The following PDE4D variants were observed in gnomAD, a reference collection of about 807,000 sequenced individuals.
The protein encoded by PDE4D is 3',5'-cyclic-AMP phosphodiesterase 4D.
PDE4D carries 24 observed loss-of-function variants against 87.4 expected under a neutral mutation model. The ratio of observed to expected loss-of-function variants is 0.27; its 90% CI spans 0.20 to 0.39. The LOEUF (loss-of-function observed/expected upper bound fraction) is 0.39. Ranked by LOEUF, PDE4D falls within the 10% of genes least tolerant of loss-of-function variation. The probability of loss-of-function intolerance (pLI) is 1.00; values close to 1 mark genes in which losing one functional copy is unlikely to be tolerated. For synonymous variants in PDE4D, 384 were observed against 383.2 expected (o/e 1.00, Z -0.02); for missense variants, 714 against 1,041.0 (o/e 0.69, Z 4.32).
At chr5:59,320,174 G>T (rs189596810) in intron 1 of PDE4D, among the ~76,000 whole-genome samples, 3 of 151,984 alleles carry the variant, frequency 2.0e-5, no homozygotes, top group African/African-American at 4.8e-5. Flanking sequence ...GTGTGCACGC[G>T]CATGCATGTG....
At chr5:59,663,436 T>A (rs562792494) in intron 1 of PDE4D, among the ~76,000 whole-genome samples, 3 of 152,208 alleles carry the variant, frequency 2.0e-5, no homozygotes, top group African/African-American at 7.2e-5. Flanking sequence ...CTCCCAAAGT[T>A]CTGGGATAAC....
At chr5:59,157,499 C>T (rs1780428303) in intron 5 of PDE4D, 1 of 618,302 alleles carries the variant, frequency 1.6e-6, no homozygotes, top group Non-Finnish European at 2.9e-6. Context: ...AAAGAATATT[C>T]ATTTCAAATT....
At chr5:59,763,395 A>G (rs546454414) in intron 1 of PDE4D, among the ~76,000 whole-genome samples, 40 of 151,598 alleles carry the variant, frequency 2.6e-4, no homozygotes, top group Non-Finnish European at 5.3e-4. Flanking sequence ...AAATATGAAA[A>G]AATTATAACT....
Position 60,413,935 on chromosome 5 carries a change from C to T in PDE4D, c.-90+74007G>A, listed in dbSNP as rs182587564. ...CAGAGTTCAGGTTCACTTTGTCAAACTTTTTACAGTTCTAAAATAGAAAAC... is the reference window on the plus strand; with the variant it reads ...CAGAGTTCAGGTTCACTTTGTCAAATTTTTTACAGTTCTAAAATAGAAAAC... On this transcript the variant is annotated intron_variant, in intron 1 of 16. Transcript: ENST00000502484. Among the ~76,000 whole-genome samples, 5 of 152,274 alleles carry T rather than the reference C, an allele frequency of 3.3e-5. No individual in the cohort carries two copies. The East Asian group carries it at 9.6e-4, about 29-fold the overall frequency.
intron 1 of PDE4D, among the ~76,000 whole-genome samples, chr5:59,361,682 C>T (rs986394593): frequency 6.6e-6 from 1 of 152,072 alleles, no homozygotes; most frequent in African/African-American, 2.4e-5. Context: ...ATCTGGCTCC[C>T]CTGATAGACC....
intron 11 of PDE4D, among the ~76,000 whole-genome samples, chr5:58,979,152 A>C (rs1245802439): frequency 1.3e-5 from 2 of 152,188 alleles, no homozygotes; most frequent in African/African-American, 2.4e-5. Context: ...CCTTCAAGGA[A>C]AAGGGTGATC....
intron 2 of PDE4D, among the ~76,000 whole-genome samples, chr5:60,104,619 G>A (rs1776656294): frequency 6.6e-6 from 1 of 152,148 alleles, no homozygotes; most frequent in Non-Finnish European, 1.5e-5. Context: ...CCACCAGTAG[G>A]GTCAGACTGA....
intron 1 of PDE4D, chr5:59,768,632 G>A: frequency 6.5e-7 from 1 of 1,528,586 alleles, no homozygotes; most frequent in Non-Finnish European, 8.7e-7. Flanking sequence ...TCAGTCGCCT[G>A]CCTCAGTCTC....
At chr5:58,983,991 T>C (rs1174844308) in intron 11 of PDE4D, among the ~76,000 whole-genome samples, 1 of 152,224 alleles carries the variant, frequency 6.6e-6, no homozygotes, top group Non-Finnish European at 1.5e-5. Context: ...GCTGAAACAG[T>C]TAAGACTGGG....
intron 2 of PDE4D, among the ~76,000 whole-genome samples, chr5:60,078,371 T>TTGTTTTC (rs1773550256): frequency 6.6e-6 from 1 of 152,218 alleles, no homozygotes; most frequent in South Asian, 2.1e-4. Context: ...TTGGTATATT[T>TTGTTTTC]TGTTTTCATT....
At chr5:59,763,360 G>A (rs35526661) in intron 1 of PDE4D, among the ~76,000 whole-genome samples, 21,175 of 151,648 alleles carry the variant, frequency 0.14, 1,944 homozygotes, top group Middle Eastern at 0.29. Flanking sequence ...AATCTGAGTC[G>A]TGGATATATA....
intron 5 of PDE4D, among the ~76,000 whole-genome samples, chr5:59,102,050 A>G (rs1461812910): frequency 6.7e-6 from 1 of 150,112 alleles, no homozygotes; most frequent in Non-Finnish European, 1.5e-5. Flanking sequence ...ACTAATTTGC[A>G]GTACCTCTGA....
intron 2 of PDE4D, among the ~76,000 whole-genome samples, chr5:59,208,900 T>TA (rs1341004042): frequency 2.6e-5 from 4 of 152,160 alleles, no homozygotes; most frequent in African/African-American, 9.7e-5. Context: ...TCTTGAGATT[T>TA]AATAGCTAGT....
At chr5:60,462,635 G>A (rs1747042046) in intron 1 of PDE4D, among the ~76,000 whole-genome samples, 1 of 152,128 alleles carries the variant, frequency 6.6e-6, no homozygotes, top group African/African-American at 2.4e-5. Context: ...TTAACTAGAT[G>A]GGACACCAGC....
chr5:60,028,199 G>C (rs1323814977), intron 2 of PDE4D, among the ~76,000 whole-genome samples: 1 of 152,056 alleles, frequency 6.6e-6, no homozygotes, highest in Non-Finnish European at 1.5e-5. Context: ...TAACCTTTGA[G>C]CTCTCTTTGC....
At chr5:59,752,948 C>T (rs143429048) in intron 1 of PDE4D, among the ~76,000 whole-genome samples, 1 of 152,100 alleles carries the variant, frequency 6.6e-6, no homozygotes. Context: ...GGCCAGTGGG[C>T]GAAATTCAGC....
chr5:59,534,321 C>A lies in PDE4D; in HGVS notation c.456-318353G>T, dbSNP rs569352588. 3.9e-5 allele frequency among the ~76,000 whole-genome samples: 6 copies of A among 152,136 alleles called. No homozygotes were observed. The South Asian group carries it at 1.2e-3, about 32-fold the overall frequency. On this transcript the variant is annotated intron_variant, in intron 1 of 14. Coordinates refer to ENST00000340635, the MANE Select transcript of PDE4D (RefSeq NM_001104631.2). ...TTAAAAATATGGGTATTTTCCCCTG[C>A]GAGTTAAATAAGCACAAAACAAACA...
intron 1 of PDE4D, among the ~76,000 whole-genome samples, chr5:60,398,701 A>G (rs141530065): frequency 7.9e-5 from 12 of 152,274 alleles, no homozygotes; most frequent in Non-Finnish European, 1.6e-4. Context: ...CTATTCTCCT[A>G]TAACAGGAAT....
chr5:60,284,473 C>A (rs1221748571), intron 1 of PDE4D, among the ~76,000 whole-genome samples: 7 of 152,134 alleles, frequency 4.6e-5, no homozygotes, highest in Non-Finnish European at 5.9e-5. Flanking sequence ...TTAACCGTAA[C>A]ACTAAAGTCC....
Sources: allele counts gnomAD v4.1 joint callset (sites outside exome capture counted in the v4.1 genomes callset), GRCh38; gene constraint gnomAD v4.1.1; transcripts MANE v1.5; gene names NCBI Gene and HGNC (gene_info 2026-07-23, HGNC 2026-07-21).